GALNT2: variants seen among roughly 807,000 people sequenced by gnomAD.
GALNT2 encodes polypeptide N-acetylgalactosaminyltransferase 2, also known as UDP-GalNAc:polypeptide N-acetylgalactosaminyltransferase 2.
Under a neutral mutation model 81.4 loss-of-function variants are expected in GALNT2, and 31 were observed. That is an observed-to-expected ratio of 0.38 (90% confidence interval 0.29 to 0.51). GALNT2 has a LOEUF of 0.51. GALNT2 is among the 20% of genes least tolerant of loss of function. The pLI is 0.87. For synonymous variants in GALNT2, 303 were observed against 287.4 expected (o/e 1.05, Z -0.55); for missense variants, 629 against 765.7 (o/e 0.82, Z 2.11).
intron 1 of GALNT2, among the ~76,000 whole-genome samples, chr1:230,080,437 C>T (rs1659692775): frequency 6.6e-6 from 1 of 152,186 alleles, no homozygotes. Context: ...AGCAGTGGTG[C>T]TCTGACCACT....
At position 230,127,813 on chromosome 1, in the gene GALNT2, G is replaced by A. The variant is rs540689177; in HGVS notation, c.127-50405G>A. Among the ~76,000 whole-genome samples the A allele has an allele frequency of 6.6e-5, 10 of 152,280 alleles. No homozygotes were observed. In the South Asian group the frequency reaches 2.1e-3, roughly 32 times the overall value. ...GGGTGCGTGAACTCTTTTGAGGTGTGAATTGTTGCACTGTAACTCATTCCT... is the reference window on the plus strand; with the variant it reads ...GGGTGCGTGAACTCTTTTGAGGTGTAAATTGTTGCACTGTAACTCATTCCT... On this transcript the variant is annotated intron_variant, in intron 1 of 15. Coordinates refer to ENST00000366672, the MANE Select transcript of GALNT2 (RefSeq NM_004481.5).
chr1:230,085,080 G>A (rs1659858774), intron 1 of GALNT2, among the ~76,000 whole-genome samples: 1 of 152,184 alleles, frequency 6.6e-6, no homozygotes, highest in South Asian at 2.1e-4. Flanking sequence ...GAGAGCTGAT[G>A]AGGAATAGAA....
At chr1:230,262,873 C>T in intron 12 of GALNT2, 49 bp from the exon 13 acceptor site, 1 of 1,554,244 alleles carries the variant, frequency 6.4e-7, no homozygotes, top group Non-Finnish European at 8.9e-7. Flanking sequence ...TGTAGAAAGC[C>T]CATCTATTCT....
chr1:230,258,533 A>G (rs906242797), intron 11 of GALNT2, among the ~76,000 whole-genome samples: 20 of 152,114 alleles, frequency 1.3e-4, no homozygotes, highest in African/African-American at 4.1e-4. Context: ...CCATTTTTAA[A>G]CTTCTTAAAA....
At chr1:230,092,410 A>G (rs559734268) in intron 1 of GALNT2, among the ~76,000 whole-genome samples, 4 of 150,888 alleles carry the variant, frequency 2.7e-5, no homozygotes, top group African/African-American at 9.7e-5. Flanking sequence ...GGGGTCTTGC[A>G]TGACCTCACT....
At chr1:230,117,777 A>G (rs1301777520) in intron 1 of GALNT2, among the ~76,000 whole-genome samples, 1 of 152,262 alleles carries the variant, frequency 6.6e-6, no homozygotes, top group African/African-American at 2.4e-5. Context: ...AATGTGACAT[A>G]TAGACATGAA....
chr1:230,153,657 T>C (rs1412070785), intron 1 of GALNT2, among the ~76,000 whole-genome samples: 2 of 152,226 alleles, frequency 1.3e-5, no homozygotes, highest in Admixed American at 1.3e-4. Context: ...GCCCCTGAGT[T>C]CTTTTCATGA....
At chr1:230,178,353 G>A in intron 2 of GALNT2, 42 bp downstream of exon 2, 1 of 1,452,536 alleles carries the variant, frequency 6.9e-7, no homozygotes, top group Non-Finnish European at 9.6e-7. Flanking sequence ...TTGAGCACGT[G>A]ATTGGGAGTG....
At chr1:230,254,459 G>A (rs185624966) in intron 10 of GALNT2, among the ~76,000 whole-genome samples, 4 of 152,160 alleles carry the variant, frequency 2.6e-5, no homozygotes, top group South Asian at 2.1e-4. Context: ...TGTGAGCAGC[G>A]TGCAGATATC....
At chr1:230,073,408 G>A (rs993773173) in intron 1 of GALNT2, among the ~76,000 whole-genome samples, 1 of 152,174 alleles carries the variant, frequency 6.6e-6, no homozygotes, top group African/African-American at 2.4e-5. Flanking sequence ...TCCCTGATGG[G>A]CCCCCACCTT....
chr1:230,277,351 A>G (rs1666329158), intron 15 of GALNT2, among the ~76,000 whole-genome samples: 2 of 152,184 alleles, frequency 1.3e-5, no homozygotes, highest in Admixed American at 6.5e-5. Flanking sequence ...TTGTTTTTCT[A>G]AGGTTCTTGA....
Position 230,239,258 on chromosome 1 carries a change from A to G in GALNT2, c.607+2533A>G, listed in dbSNP as rs78199109. 6.4e-4 allele frequency among the ~76,000 whole-genome samples: 98 copies of G among 152,292 alleles called. 2 individuals carry two copies. The East Asian group carries it at 0.017, about 27-fold the overall frequency. ...AAAAGAACCAATATTTGGCTTTTGT[A>G]TTAGGATTCTCCAAAAGGACAGAAC... is the stretch of plus-strand genomic sequence containing the variant. On this transcript the variant is annotated intron_variant, in intron 6 of 15. Coordinates refer to ENST00000366672, the MANE Select transcript of GALNT2 (RefSeq NM_004481.5).
rs189299805 is a variant in GALNT2, at chr1:230,146,721, G to C, written c.127-31497G>C. Among the ~76,000 whole-genome samples the C allele has an allele frequency of 2.1e-4, 32 of 152,356 alleles. No individual in the cohort carries two copies. The East Asian group carries it at 5.8e-3, about 28-fold the overall frequency. On this transcript the variant is annotated intron_variant, in intron 1 of 15. Transcript: ENST00000366672. ...CTGGAGGGATGGCCCAGGTTGCAGG[G>C]GGAGGGGTGGGAAGGAGAGAGGGCA...
At chr1:230,217,094 A>T (rs893128989) in intron 3 of GALNT2, among the ~76,000 whole-genome samples, 2 of 152,198 alleles carry the variant, frequency 1.3e-5, no homozygotes, top group East Asian at 1.9e-4. Flanking sequence ...ATTAAAAAAA[A>T]ACTCTGCCGT....
At chr1:230,194,813 T>C (rs1379611914) in intron 2 of GALNT2, among the ~76,000 whole-genome samples, 1 of 152,200 alleles carries the variant, frequency 6.6e-6, no homozygotes, top group East Asian at 1.9e-4. Context: ...GCTTCCGGGC[T>C]GGGCCCCCAT....
intron 2 of GALNT2, among the ~76,000 whole-genome samples, chr1:230,183,694 T>C (rs1212980582): frequency 1.3e-5 from 2 of 152,144 alleles, no homozygotes; most frequent in African/African-American, 2.4e-5. Context: ...ATAAGAAAAA[T>C]AGGCGAGGAG....
chr1:230,126,689 G>T (rs750168387), intron 1 of GALNT2, among the ~76,000 whole-genome samples: 2 of 152,178 alleles, frequency 1.3e-5, no homozygotes, highest in African/African-American at 2.4e-5. Context: ...TATGGGAAAT[G>T]TCAATGTTGA....
chr1:230,137,401 G>A (rs1661584005), intron 1 of GALNT2, among the ~76,000 whole-genome samples: 1 of 152,204 alleles, frequency 6.6e-6, no homozygotes, highest in African/African-American at 2.4e-5. Context: ...TGCTGTGGAG[G>A]TGCCCATGGT....
At chr1:230,149,697 C>T (rs1411989967) in intron 1 of GALNT2, among the ~76,000 whole-genome samples, 4 of 152,246 alleles carry the variant, frequency 2.6e-5, no homozygotes, top group East Asian at 1.9e-4. Context: ...TTTTATGCCT[C>T]AGCCATGTAA....
Sources: allele counts gnomAD v4.1 joint callset (sites outside exome capture counted in the v4.1 genomes callset), GRCh38; gene constraint gnomAD v4.1.1; transcripts MANE v1.5; gene names NCBI Gene and HGNC (gene_info 2026-07-23, HGNC 2026-07-21).